NLN: variants seen among roughly 807,000 people sequenced by gnomAD.
NLN encodes neurolysin.
NLN carries 64 observed loss-of-function variants against 79.9 expected under a neutral mutation model. The ratio of observed to expected loss-of-function variants is 0.80; its 90% CI spans 0.65 to 0.99. NLN has a LOEUF of 0.99. Ranked by LOEUF, NLN falls within the 50% of genes least tolerant of loss-of-function variation. NLN has a pLI of 0.00. For synonymous variants in NLN, 267 were observed against 296.6 expected, an observed-to-expected ratio of 0.90 and a Z score of 1.02; for missense variants, 835 against 858.7, an observed-to-expected ratio of 0.97 and a Z score of 0.34.
rs1389564850 is a variant in NLN at position 65,823,643 on chromosome 5, C to T, written c.*728C>T. 2 of 152,030 alleles carry T rather than the reference C, an allele frequency of 1.3e-5. No homozygotes were observed. Among genetic ancestry groups the T allele is most frequent in the African/African-American group, 4.8e-5 (2 of 41,396 alleles). 9.4% of individuals were successfully genotyped at this position (152,030 alleles called of 1,614,324 possible). A position where few individuals can be genotyped will look rare whatever the true frequency, so the allele number is the denominator to read the frequency against. ...AGGATTTCGTAGCTTTTATTAGAGG[C>T]TCATTTCCACCTCAGCATACAAGAT... On this transcript the variant is annotated 3_prime_UTR_variant, in exon 13 of 13. Transcript: ENST00000380985.
Position 65,823,314 on chromosome 5 carries a change from TAAATG to T in NLN, c.*402_*406del, listed in dbSNP as rs1760841254. 6.3e-6 allele frequency: 1 copy of T among 158,750 alleles called. No homozygotes were observed. The highest frequency in any genetic ancestry group is 1.4e-5 in the Non-Finnish European group (1 of 72,282). The allele number at this position is 158,750 out of a possible 1,614,324, so 9.8% of individuals were successfully genotyped here. ...TTTGTACTTGGGATTTCTGGACTGA[TAAATG>T]AATCATCACATTCTTCTGGTAAATA... On this transcript the variant is annotated 3_prime_UTR_variant, in exon 13 of 13. Transcript: ENST00000380985.
At chr5:65,746,322 G>A (rs558929639) in intron 1 of NLN, among the ~76,000 whole-genome samples, 134 of 152,164 alleles carry the variant, frequency 8.8e-4, no homozygotes, top group Admixed American at 3.3e-3. Context: ...GCCCAAAGAG[G>A]GAAAAGTTCC....
chr5:65,736,824 G>C (rs1758737742), intron 1 of NLN, among the ~76,000 whole-genome samples: 1 of 152,156 alleles, frequency 6.6e-6, no homozygotes, highest in African/African-American at 2.4e-5. Context: ...AACATGACTA[G>C]TCATGGTGGC....
intron 3 of NLN, among the ~76,000 whole-genome samples, chr5:65,768,726 G>T (rs1288411874): frequency 6.6e-6 from 1 of 152,192 alleles, no homozygotes; most frequent in Non-Finnish European, 1.5e-5. Context: ...TCCCTTCCCT[G>T]CTGGCCTTTC....
At chr5:65,758,467 T>C (rs990447032) in intron 1 of NLN, 100 bp from the exon 2 acceptor site, 1 of 777,378 alleles carries the variant, frequency 1.3e-6, no homozygotes, top group Non-Finnish European at 2.0e-6. Flanking sequence ...TTTAAAAAGG[T>C]TCTTTTTAAT....
intron 1 of NLN, chr5:65,733,317 G>A: frequency 6.6e-7 from 1 of 1,513,010 alleles, no homozygotes; most frequent in Non-Finnish European, 9.1e-7. Flanking sequence ...TCAGATCCAG[G>A]ACTCCCAACT....
chr5:65,797,812 C>T lies in NLN; in HGVS notation c.1527+5157C>T, dbSNP rs570762947. Among the ~76,000 whole-genome samples, 33 of 152,262 alleles carry T rather than the reference C, an allele frequency of 2.2e-4. No homozygotes were observed. The South Asian group carries it at 6.2e-3, about 29-fold the overall frequency. On this transcript the variant is annotated intron_variant, in intron 9 of 12. Coordinates refer to ENST00000380985, the MANE Select transcript of NLN (RefSeq NM_020726.5). ...CATCTGCCCTGAGACAATTTACTGCCACTTGAGGTTCAACAGAATTCACAA... is the reference window on the plus strand; with the variant it reads ...CATCTGCCCTGAGACAATTTACTGCTACTTGAGGTTCAACAGAATTCACAA...
rs938754781 is a variant in NLN, at chr5:65,827,676, C to T, written c.*4761C>T. On this transcript the variant is annotated 3_prime_UTR_variant, in exon 13 of 13. Transcript: ENST00000380985. The stretch of plus-strand genomic sequence containing the variant: ...GTCCCATAAAAAGGTATCAAATGTA[C>T]AGATAATAGGGCTGGAATTATTAAG... The T allele has an allele frequency of 4.6e-5, 7 of 152,094 alleles. No homozygotes were observed. Among genetic ancestry groups the T allele is most frequent in the Non-Finnish European group, 2.9e-5 (2 of 68,026 alleles). 9.4% of individuals were successfully genotyped at this position (152,094 alleles called of 1,614,324 possible).
chr5:65,766,040 C>T (rs986494057), intron 3 of NLN, among the ~76,000 whole-genome samples: 10 of 152,162 alleles, frequency 6.6e-5, no homozygotes, highest in Non-Finnish European at 1.2e-4. Flanking sequence ...AAATAGCAAC[C>T]GTCATTTTCT....
chr5:65,743,212 T>C (rs768725797), intron 1 of NLN, among the ~76,000 whole-genome samples: 10 of 152,026 alleles, frequency 6.6e-5, no homozygotes, highest in Non-Finnish European at 1.3e-4. Flanking sequence ...TTCACGTGGA[T>C]TTTAATTCCA....
rs1022905926 is a variant in NLN at position 65,826,622 on chromosome 5, G to T, written c.*3707G>T. Reference sequence around the variant, plus strand: ...GTGTGGTGAGAATAAAAGCAACAAAGAAATGAATGTGGTGGCTCACACCTG... The same window carrying T: ...GTGTGGTGAGAATAAAAGCAACAAATAAATGAATGTGGTGGCTCACACCTG... On this transcript the variant is annotated 3_prime_UTR_variant, in exon 13 of 13. Transcript: ENST00000380985. The T allele has an allele frequency of 4.6e-5, 7 of 152,148 alleles. No homozygotes were observed. Among genetic ancestry groups the T allele is most frequent in the Admixed American group, 1.3e-4 (2 of 15,262 alleles). The allele number at this position is 152,148 out of a possible 1,614,324, so 9.4% of individuals were successfully genotyped here. A position where few individuals can be genotyped will look rare whatever the true frequency, so the allele number is the denominator to read the frequency against.
At chr5:65,768,058 C>T (rs1465172184) in intron 3 of NLN, among the ~76,000 whole-genome samples, 1 of 152,172 alleles carries the variant, frequency 6.6e-6, no homozygotes, top group African/African-American at 2.4e-5. Flanking sequence ...CAAACTTTCC[C>T]ACATCTTTCT....
At chr5:65,735,945 G>A (rs1758718479) in intron 1 of NLN, among the ~76,000 whole-genome samples, 1 of 152,026 alleles carries the variant, frequency 6.6e-6, no homozygotes, top group African/African-American at 2.4e-5. Context: ...TAAGAGTTAT[G>A]AAATATTATA....
At chr5:65,727,346 T>G (rs1168329823) in intron 1 of NLN, among the ~76,000 whole-genome samples, 2 of 152,024 alleles carry the variant, frequency 1.3e-5, no homozygotes, top group Non-Finnish European at 2.9e-5. Flanking sequence ...TTGAAAAAAT[T>G]GTTTGTAGAG....
chr5:65,736,098 C>A (rs1052757552), intron 1 of NLN, among the ~76,000 whole-genome samples: 1 of 152,084 alleles, frequency 6.6e-6, no homozygotes, highest in African/African-American at 2.4e-5. Flanking sequence ...TCCTTGAGTG[C>A]CCCCTTCAAC....
chr5:65,743,072 C>T lies in NLN; in HGVS notation c.42-15495C>T, dbSNP rs191521617. On this transcript the variant is annotated intron_variant, in intron 1 of 12. Coordinates refer to ENST00000380985, the MANE Select transcript of NLN (RefSeq NM_020726.5). Reference sequence around the variant, plus strand: ...AATGACTAAGACATGGACCACATTCCCAAAGAGCTTACATTCTAGTAGAAT... The same window carrying T: ...AATGACTAAGACATGGACCACATTCTCAAAGAGCTTACATTCTAGTAGAAT... 7.9e-5 allele frequency among the ~76,000 whole-genome samples: 12 copies of T among 152,272 alleles called. No individual in the cohort carries two copies. In the East Asian group the frequency reaches 2.1e-3, roughly 27 times the overall value.
At chr5:65,812,169 C>T (rs1760561696) in intron 11 of NLN, 86 bp from the exon 12 acceptor site, 5 of 1,114,374 alleles carry the variant, frequency 4.5e-6, no homozygotes, top group Non-Finnish European at 6.8e-6. Context: ...CCACAGCTGG[C>T]CTCCTCAGAG....
intron 12 of NLN, among the ~76,000 whole-genome samples, chr5:65,816,524 A>G (rs907180474): frequency 4.0e-5 from 6 of 151,872 alleles, no homozygotes; most frequent in Non-Finnish European, 7.4e-5. Context: ...TCGTACCCCG[A>G]ACGTAAAAGT....
At chr5:65,731,422 A>C (rs761224921) in intron 1 of NLN, among the ~76,000 whole-genome samples, 3 of 152,218 alleles carry the variant, frequency 2.0e-5, no homozygotes, top group African/African-American at 7.2e-5. Context: ...AGTCTACCAC[A>C]TCGGCACATA....
Sources: gnomAD v4.1 joint callset for allele counts (sites outside exome capture counted in the v4.1 genomes callset) on GRCh38, gnomAD v4.1.1 for gene constraint, MANE v1.5 for transcripts, NCBI Gene and HGNC (gene_info 2026-07-23, HGNC 2026-07-21) for gene names.